The following LRP1B variants were observed in gnomAD, a reference collection of about 807,000 sequenced individuals.
The protein encoded by LRP1B is low-density lipoprotein receptor-related protein 1B.
Under a neutral mutation model 556.6 loss-of-function variants are expected in LRP1B, and 217 were observed. That is an observed-to-expected ratio of 0.39 (90% CI 0.35 to 0.44). LRP1B has a LOEUF of 0.44. LRP1B is among the 20% of genes least tolerant of loss of function. The probability of loss-of-function intolerance (pLI) is 1.00; values close to 1 mark genes in which losing one functional copy is unlikely to be tolerated. For missense variants in LRP1B, 5,053 were observed against 5,620.8 expected, an observed-to-expected ratio of 0.90 and a Z score of 3.23; for synonymous variants, 2,047 against 1,865.8, an observed-to-expected ratio of 1.10 and a Z score of -2.50.
chr2:140,338,148 C>T (rs949356863), intron 77 of LRP1B, among the ~76,000 whole-genome samples: 5 of 151,764 alleles, frequency 3.3e-5, no homozygotes, highest in African/African-American at 1.2e-4. Flanking sequence ...CATTTATTCT[C>T]CTTCTTCTGG....
At chr2:141,222,602 C>A (rs1413907215) in intron 6 of LRP1B, among the ~76,000 whole-genome samples, 1 of 152,098 alleles carries the variant, frequency 6.6e-6, no homozygotes, top group Non-Finnish European at 1.5e-5. Context: ...TCCAATATCC[C>A]CAATGAACAT....
intron 1 of LRP1B, among the ~76,000 whole-genome samples, chr2:141,827,514 A>C (rs1388560778): frequency 6.6e-6 from 1 of 152,158 alleles, no homozygotes; most frequent in Admixed American, 6.5e-5. Context: ...TCCTGTGACT[A>C]ATGTCAAGCA....
At chr2:140,520,268 T>C (rs572191579) in intron 49 of LRP1B, among the ~76,000 whole-genome samples, 5 of 152,298 alleles carry the variant, frequency 3.3e-5, no homozygotes, top group African/African-American at 1.2e-4. Flanking sequence ...TGGAATACTA[T>C]GCAACCATAG....
chr2:141,981,038 A>G (rs930383196), intron 1 of LRP1B, among the ~76,000 whole-genome samples: 1 of 152,256 alleles, frequency 6.6e-6, no homozygotes, highest in Middle Eastern at 3.4e-3. Flanking sequence ...AGTTGGAAAT[A>G]TCTATTATGG....
At chr2:140,389,258 ATAT>A (rs1050889136) in intron 66 of LRP1B, among the ~76,000 whole-genome samples, 1 of 152,030 alleles carries the variant, frequency 6.6e-6, no homozygotes, top group Non-Finnish European at 1.5e-5. Context: ...ATATAATGTA[ATAT>A]TATTGGTGTT....
Position 142,128,750 on chromosome 2 carries a change from GA to G in LRP1B, c.82+1897del, listed in dbSNP as rs1173432429. On this transcript the variant is annotated intron_variant, in intron 1 of 90. Transcript: ENST00000389484. The stretch of plus-strand genomic sequence containing the variant: ...CAACACGACACTATTTCATTTTTTA[GA>G]AAAAAACTAGCAATCGTTTACCATG... Among the ~76,000 whole-genome samples the G allele has an allele frequency of 3.9e-5, 6 of 152,006 alleles. No homozygotes were observed. In the South Asian group the frequency reaches 1.0e-3, roughly 26 times the overall value.
chr2:140,446,004 T>G (rs1302101657), intron 63 of LRP1B, among the ~76,000 whole-genome samples: 1 of 151,986 alleles, frequency 6.6e-6, no homozygotes, highest in African/African-American at 2.4e-5. Flanking sequence ...AAATAAAAAT[T>G]TAAACATTCT....
intron 3 of LRP1B, among the ~76,000 whole-genome samples, chr2:141,329,803 T>C (rs1687574617): frequency 1.3e-5 from 2 of 152,196 alleles, no homozygotes; most frequent in Admixed American, 1.3e-4. Context: ...CTGAGAGTTC[T>C]TGCTTGTTTA....
At chr2:140,540,894 A>G in intron 45 of LRP1B, 79 bp downstream of exon 45, 3 of 1,454,796 alleles carry the variant, frequency 2.1e-6, no homozygotes, top group African/African-American at 2.8e-5. Flanking sequence ...AACTTCATGA[A>G]TACACTAACA....
chr2:140,404,723 T>A (rs1017590469), intron 66 of LRP1B, among the ~76,000 whole-genome samples: 1 of 152,060 alleles, frequency 6.6e-6, no homozygotes, highest in East Asian at 1.9e-4. Context: ...AAACTCAAGA[T>A]AAGGGGTAAA....
At chr2:140,658,650 A>C (rs925646860) in intron 41 of LRP1B, among the ~76,000 whole-genome samples, 1 of 152,044 alleles carries the variant, frequency 6.6e-6, no homozygotes, top group Non-Finnish European at 1.5e-5. Flanking sequence ...ATGACAGTAC[A>C]TTAGGATCAA....
intron 1 of LRP1B, among the ~76,000 whole-genome samples, chr2:142,115,105 G>C (rs2104997041): frequency 6.6e-6 from 1 of 152,094 alleles, no homozygotes; most frequent in Non-Finnish European, 1.5e-5. Context: ...CATATTAACG[G>C]AGGAATTGTT....
intron 3 of LRP1B, among the ~76,000 whole-genome samples, chr2:141,309,723 G>T (rs1238325871): frequency 6.6e-6 from 1 of 152,026 alleles, no homozygotes; most frequent in African/African-American, 2.4e-5. Context: ...GGGGGTAGAG[G>T]GTGAGGGGAG....
chr2:141,520,807 T>C (rs1217780696), intron 2 of LRP1B, among the ~76,000 whole-genome samples: 2 of 152,132 alleles, frequency 1.3e-5, no homozygotes, highest in Admixed American at 6.6e-5. Flanking sequence ...TTCTTTTTCT[T>C]TTAATTTTTT....
chr2:141,957,386 GGGGGGGGGGGC>G (rs1701284063), intron 1 of LRP1B, among the ~76,000 whole-genome samples: 1 of 101,500 alleles, frequency 9.9e-6, no homozygotes, highest in Non-Finnish European at 2.0e-5. Context: ...GTGTGTGTGG[GGGGGGGGGGGC>G]GGGGGGGTGT....
At chr2:140,695,835 C>T (rs1686411662) in intron 41 of LRP1B, among the ~76,000 whole-genome samples, 1 of 152,142 alleles carries the variant, frequency 6.6e-6, no homozygotes, top group Non-Finnish European at 1.5e-5. Flanking sequence ...TAATCTATGG[C>T]ACACTGTAAG....
intron 49 of LRP1B, among the ~76,000 whole-genome samples, 197 bp from the exon 50 acceptor site, chr2:140,517,208 G>T (rs1047308186): frequency 2.0e-4 from 31 of 152,242 alleles, no homozygotes; most frequent in African/African-American, 7.5e-4. Context: ...AGAGACCCAT[G>T]AGACATGATA....
chr2:140,900,808 A>G, intron 23 of LRP1B, among the ~76,000 whole-genome samples: 1 of 92,420 alleles, frequency 1.1e-5, no homozygotes, highest in East Asian at 6.4e-4. Flanking sequence ...TCCTAGACAT[A>G]AAAAGAAAAA....
At chr2:141,111,585 G>A (rs1700751553) in intron 7 of LRP1B, among the ~76,000 whole-genome samples, 1 of 152,106 alleles carries the variant, frequency 6.6e-6, no homozygotes, top group African/African-American at 2.4e-5. Context: ...GGACCCACAT[G>A]CATACTAGGG....
Sources: allele counts gnomAD v4.1 joint callset (sites outside exome capture counted in the v4.1 genomes callset), GRCh38; gene constraint gnomAD v4.1.1; transcripts MANE v1.5; gene names NCBI Gene and HGNC (gene_info 2026-07-23, HGNC 2026-07-21).